FOXP1: variants seen among roughly 807,000 people sequenced by gnomAD.
The protein encoded by FOXP1 is forkhead box protein P1.
FOXP1 carries 15 observed loss-of-function variants against 98.2 expected under a neutral mutation model. That is an observed-to-expected ratio of 0.15 (90% CI 0.10 to 0.24). The LOEUF (loss-of-function observed/expected upper bound fraction) is 0.24, where lower values mean the gene tolerates loss of function less well. Ranked by LOEUF, FOXP1 falls within the 10% of genes least tolerant of loss-of-function variation. The pLI is 1.00. For synonymous variants in FOXP1, 371 were observed against 314.5 expected (o/e 1.18, Z -1.90); for missense variants, 633 against 848.5 (o/e 0.75, Z 3.15).
intron 5 of FOXP1, among the ~76,000 whole-genome samples, chr3:71,235,260 A>C (rs2066677092): frequency 6.6e-6 from 1 of 152,192 alleles, no homozygotes; most frequent in Non-Finnish European, 1.5e-5. Context: ...GTTACTGAAA[A>C]TTTACAATTA....
At chr3:71,362,157 T>G (rs946817625) in intron 3 of FOXP1, among the ~76,000 whole-genome samples, 1 of 152,066 alleles carries the variant, frequency 6.6e-6, no homozygotes, top group Non-Finnish European at 1.5e-5. Flanking sequence ...GAATGAAAAT[T>G]TGTGTTTTAT....
At chr3:71,514,801 C>T (rs754976774) in intron 2 of FOXP1, among the ~76,000 whole-genome samples, 1 of 152,172 alleles carries the variant, frequency 6.6e-6, no homozygotes, top group Non-Finnish European at 1.5e-5. Flanking sequence ...CCCACTGGGC[C>T]CAGTCACAAC....
At chr3:71,084,947 T>C (rs1414342268) in intron 7 of FOXP1, among the ~76,000 whole-genome samples, 2 of 152,144 alleles carry the variant, frequency 1.3e-5, no homozygotes, top group African/African-American at 4.8e-5. Flanking sequence ...GGCACAATAG[T>C]TGCTTGAATA....
At chr3:71,278,124 G>T (rs956341713) in intron 5 of FOXP1, among the ~76,000 whole-genome samples, 3 of 152,098 alleles carry the variant, frequency 2.0e-5, no homozygotes, top group Non-Finnish European at 4.4e-5. Context: ...GGAAACAGTA[G>T]CCCCTACGTA....
At chr3:71,409,565 G>C (rs888799028) in intron 3 of FOXP1, among the ~76,000 whole-genome samples, 2 of 151,346 alleles carry the variant, frequency 1.3e-5, no homozygotes, top group African/African-American at 4.9e-5. Context: ...ATGAAGAATG[G>C]CTTGAATCTA....
At chr3:71,574,121 C>G (rs2047548926) in intron 2 of FOXP1, 1 of 152,064 alleles carries the variant, frequency 6.6e-6, no homozygotes, top group Admixed American at 6.5e-5. Context: ...TTTTTAAGTG[C>G]CTCAGGGTCA....
chr3:71,198,349 A>G lies in FOXP1; in HGVS notation c.33T>C (p.Ser11=), dbSNP rs1486275946. MMQESGTETK[S]NGSAIQNGSG... The stretch of plus-strand genomic sequence containing the variant: ...ACCCATTCTGGATGGCTGAACCGTT[A>G]CTTTTTGTCTCAGTCCCAGATTCTT... Residue 11 remains serine (S), a synonymous_variant, in exon 6 of 21, where the codon AGT becomes AGC. Transcript: ENST00000649528. The G allele has an allele frequency of 1.3e-6, 2 of 1,521,080 alleles. No individual in the cohort carries two copies. Among genetic ancestry groups the G allele is most frequent in the Admixed American group, 1.9e-5 (1 of 54,006 alleles). The allele number at this position is 1,521,080 out of a possible 1,614,324, so 94.2% of individuals were successfully genotyped here.
intron 6 of FOXP1, among the ~76,000 whole-genome samples, chr3:71,158,425 C>T (rs2060959718): frequency 6.6e-6 from 1 of 152,026 alleles, no homozygotes; most frequent in African/African-American, 2.4e-5. Context: ...TAGGAGGCCC[C>T]TGAGCTGTCC....
rs902544760 is a variant in FOXP1, at chr3:70,956,383, A to G, written c.*2864T>C. ...CAGTTGGTTCTTCTGCAAGGCTGTG[A>G]TACCTGCAAAGATATGTAAAATCTA... On this transcript the variant is annotated 3_prime_UTR_variant, in exon 21 of 21. Coordinates refer to ENST00000649528, the MANE Select transcript of FOXP1 (RefSeq NM_001349338.3). The G allele has an allele frequency of 4.3e-5, 10 of 230,130 alleles. No individual in the cohort carries two copies. The highest frequency in any genetic ancestry group is 8.6e-5 in the Non-Finnish European group (10 of 116,388). 14.3% of individuals were successfully genotyped at this position (230,130 alleles called of 1,614,324 possible).
intron 3 of FOXP1, among the ~76,000 whole-genome samples, chr3:71,451,001 A>G (rs1386738953): frequency 1.3e-5 from 2 of 152,166 alleles, no homozygotes; most frequent in Non-Finnish European, 2.9e-5. Context: ...CAATTCTGCA[A>G]TTCAATCAAA....
At chr3:71,371,679 C>T (rs1408080338) in intron 3 of FOXP1, among the ~76,000 whole-genome samples, 1 of 152,158 alleles carries the variant, frequency 6.6e-6, no homozygotes, top group Non-Finnish European at 1.5e-5. Flanking sequence ...GTCCTAGCTG[C>T]TTGGGAGGCT....
chr3:71,525,572 C>T (rs1578010217), intron 2 of FOXP1, among the ~76,000 whole-genome samples: 1 of 152,180 alleles, frequency 6.6e-6, no homozygotes, highest in African/African-American at 2.4e-5. Flanking sequence ...ACACCCTGAA[C>T]GAAGGTCTGC....
At chr3:71,120,854 A>C (rs2058708751) in intron 6 of FOXP1, among the ~76,000 whole-genome samples, 2 of 152,096 alleles carry the variant, frequency 1.3e-5, no homozygotes, top group Admixed American at 6.5e-5. Flanking sequence ...TTTAAGCTAC[A>C]CGTAGGGTGG....
At chr3:70,964,355 C>G (rs1469789061) in intron 20 of FOXP1, among the ~76,000 whole-genome samples, 1 of 152,232 alleles carries the variant, frequency 6.6e-6, no homozygotes, top group East Asian at 1.9e-4. Context: ...ATCAGCATCA[C>G]TCTGAACTGG....
intron 3 of FOXP1, among the ~76,000 whole-genome samples, chr3:71,489,965 T>C (rs1331412003): frequency 2.6e-5 from 4 of 152,184 alleles, no homozygotes; most frequent in Non-Finnish European, 5.9e-5. Flanking sequence ...CATGAAACAC[T>C]TCACTCAGAA....
At chr3:71,492,320 C>T (rs901497002) in intron 3 of FOXP1, among the ~76,000 whole-genome samples, 3 of 151,838 alleles carry the variant, frequency 2.0e-5, no homozygotes, top group Non-Finnish European at 4.4e-5. Flanking sequence ...GGCATGGTGG[C>T]GGGCGCCTGT....
chr3:71,026,560 G>C (rs2046142177), intron 11 of FOXP1, among the ~76,000 whole-genome samples: 1 of 152,166 alleles, frequency 6.6e-6, no homozygotes, highest in Non-Finnish European at 1.5e-5. Flanking sequence ...TTTAGGACTA[G>C]AGCTTCTTCC....
At chr3:71,413,201 C>CA (rs987479735) in intron 3 of FOXP1, among the ~76,000 whole-genome samples, 2 of 84,954 alleles carry the variant, frequency 2.4e-5, no homozygotes, top group Non-Finnish European at 4.3e-5. Flanking sequence ...CACACACCAC[C>CA]CCCCCAAATA....
intron 5 of FOXP1, among the ~76,000 whole-genome samples, chr3:71,238,022 C>T (rs968433021): frequency 2.0e-5 from 3 of 152,114 alleles, no homozygotes; most frequent in Non-Finnish European, 4.4e-5. Context: ...ACATTTAGTC[C>T]GACTCTCCAA....
Sources: allele counts gnomAD v4.1 joint callset (sites outside exome capture counted in the v4.1 genomes callset), GRCh38; gene constraint gnomAD v4.1.1; transcripts MANE v1.5; gene names NCBI Gene and HGNC (gene_info 2026-07-23, HGNC 2026-07-21).